Variants in KRR1 observed in about 807,000 individuals in gnomAD.
The protein encoded by KRR1 is KRR1 small subunit processome component, also known as KRR1 small subunit processome component homolog.
In KRR1, 23 loss-of-function variants were observed where a neutral mutation model predicts 50.0. That is an observed-to-expected ratio of 0.46 (90% confidence interval 0.33 to 0.65). The LOEUF (loss-of-function observed/expected upper bound fraction) is 0.65. Among genes scored for constraint, KRR1 ranks in the 30% least tolerant of loss-of-function variants. The pLI is 0.02. For synonymous variants in KRR1, 133 were observed against 146.3 expected (o/e 0.91, Z 0.66); for missense variants, 419 against 442.4 (o/e 0.95, Z 0.47).
Position 75,498,662 on chromosome 12 carries a change from A to G in KRR1, c.*1147T>C, listed in dbSNP as rs2046367093. On this transcript the variant is annotated 3_prime_UTR_variant, in exon 10 of 10. Transcript: ENST00000229214. ...ACTCTCAACTGTGTCTACCCTTTTAATTTTTTTTCTTTCTTCCCCCTAACT... is the reference window on the plus strand; with the variant it reads ...ACTCTCAACTGTGTCTACCCTTTTAGTTTTTTTTCTTTCTTCCCCCTAACT... 1 of 1,585,710 alleles carries G rather than the reference A, an allele frequency of 6.3e-7. No individual in the cohort carries two copies. The highest frequency in any genetic ancestry group is 8.7e-7 in the Non-Finnish European group (1 of 1,154,718).
At position 75,495,486 on chromosome 12, in the gene KRR1, T is replaced by C; in HGVS notation, c.*4323A>G. 1.4e-6 allele frequency: 1 copy of C among 700,132 alleles called. No individual in the cohort carries two copies. The highest frequency in any genetic ancestry group is 1.6e-5 in the South Asian group (1 of 62,178). 43.4% of individuals were successfully genotyped at this position (700,132 alleles called of 1,614,324 possible). A position where few individuals can be genotyped will look rare whatever the true frequency, so the allele number is the denominator to read the frequency against. ...TCTGGACCTTTGTACTTCACTCCAC[T>C]ATTCTTCTGGATTTAGTTAAGGATT... On this transcript the variant is annotated 3_prime_UTR_variant, in exon 10 of 10. Coordinates refer to ENST00000229214, the MANE Select transcript of KRR1 (RefSeq NM_007043.7).
chr12:75,499,814 TTTTTTTCTTCTTTTTC>T lies in KRR1; in HGVS notation c.1125_1140del (p.Lys376SerfsTer8). Reference sequence around the variant, plus strand: ...GTCAAGGAGTTTTGGGTATGTTACTTTTTTTTCTTCTTTTTCTTTTCATCTGCCTCCATCTTAAGTG... The same window carrying T: ...GTCAAGGAGTTTTGGGTATGTTACTTTTTTCATCTGCCTCCATCTTAAGTG... On this transcript the variant is annotated frameshift_variant, in exon 10 of 10. Coordinates refer to ENST00000229214, the MANE Select transcript of KRR1 (RefSeq NM_007043.7). LOFTEE classifies it high-confidence loss of function. 6.3e-7 allele frequency: 1 copy of T among 1,598,950 alleles called. No homozygotes were observed. Among genetic ancestry groups the T allele is most frequent in the South Asian group, 1.1e-5 (1 of 87,950 alleles).
chr12:75,508,416 C>A lies in KRR1; in HGVS notation c.116G>T (p.Gly39Val), dbSNP rs998489326. ...TTTGGAAAAAGCTGGTTCCTTCCAA[C>A]CATCAGGAACCGTAAGGAGTTCTGA... ...DESELLTVPD[G>V]WKEPAFSKED... Residue 39 changes from glycine to valine, a missense_variant, in exon 2 of 10, where the codon GGT becomes GTT. Physicochemically the swap from Gly to Val is moderately radical, Grantham distance 109. Transcript: ENST00000229214. 24 of 1,609,386 alleles carry A rather than the reference C, an allele frequency of 1.5e-5. No homozygotes were observed. The highest frequency in any genetic ancestry group is 5.1e-5 in the Admixed American group (3 of 58,736).
chr12:75,507,697 T>C lies in KRR1; in HGVS notation c.258+577A>G, dbSNP rs940635716. Among the ~76,000 whole-genome samples the C allele has an allele frequency of 3.1e-4, 47 of 151,682 alleles. 1 individual carries two copies. In the South Asian group the frequency reaches 3.7e-3, roughly 12 times the overall value. On this transcript the variant is annotated intron_variant, in intron 2 of 9. Transcript: ENST00000229214. ...ATTTTATATCACAACCTAATACATATACACACACACACAAACAAAGCCAAT... is the reference window on the plus strand; with the variant it reads ...ATTTTATATCACAACCTAATACATACACACACACACACAAACAAAGCCAAT...
chr12:75,499,777 G>T lies in KRR1; in HGVS notation c.*32C>A. The T allele has an allele frequency of 2.6e-6, 4 of 1,528,788 alleles. No individual in the cohort carries two copies. Among genetic ancestry groups the T allele is most frequent in the Non-Finnish European group, 3.5e-6 (4 of 1,134,612 alleles). 94.7% of individuals were successfully genotyped at this position (1,528,788 alleles called of 1,614,324 possible). On this transcript the variant is annotated 3_prime_UTR_variant, in exon 10 of 10. Coordinates refer to ENST00000229214, the MANE Select transcript of KRR1 (RefSeq NM_007043.7). Reference sequence around the variant, plus strand: ...GATATCTCAAAATCCTTTACAAAAGGAGATAGTTCTAGTCAAGGAGTTTTG... The same window carrying T: ...GATATCTCAAAATCCTTTACAAAAGTAGATAGTTCTAGTCAAGGAGTTTTG...
Position 75,508,361 on chromosome 12 carries a change from C to T in KRR1, c.171G>A (p.Glu57=), listed in dbSNP as rs574644697. ...KEDNPRGLLE[E]SSFATLFPKY... is the part of the protein sequence containing the mutation. ...TTGGGAACAAAGTTGCGAAACTGCT[C>T]TCCTCCAAAAGTCCTCTGGGATTGT... is the stretch of plus-strand genomic sequence containing the variant. The change falls in exon 2 of 10, where the codon GAG becomes GAA. Residue 57 remains glutamate (E), a synonymous_variant. Coordinates refer to ENST00000229214, the MANE Select transcript of KRR1 (RefSeq NM_007043.7). 5 of 1,613,602 alleles carry T rather than the reference C, an allele frequency of 3.1e-6. No homozygotes were observed. In the African/African-American group the frequency reaches 4.0e-5, roughly 13 times the overall value.
In KRR1 at chr12:75,511,572, G is replaced by A. The variant is rs758092492; in HGVS notation, c.26C>T (p.Pro9Leu). 6 of 1,613,982 alleles carry A rather than the reference G, an allele frequency of 3.7e-6. No individual in the cohort carries two copies. Among genetic ancestry groups the A allele is most frequent in the Non-Finnish European group, 5.1e-6 (6 of 1,179,924 alleles). The change falls in exon 1 of 10, where the codon CCA becomes CTA. Residue 9 changes from proline to leucine, a missense_variant. Coordinates refer to ENST00000229214, the MANE Select transcript of KRR1 (RefSeq NM_007043.7). MASPSLER[P>L]EKGAGKSEFR... Reference sequence around the variant, plus strand: ...TTCACTTTTTCCAGCGCCTTTTTCTGGCCGCTCCAGCGAGGGAGACGCCAT... The same window carrying A: ...TTCACTTTTTCCAGCGCCTTTTTCTAGCCGCTCCAGCGAGGGAGACGCCAT...
rs573084373 is a variant in KRR1 at position 75,499,380 on chromosome 12, TC to T, written c.*428del. 7.1e-4 allele frequency: 114 copies of T among 161,140 alleles called. No homozygotes were observed. The highest frequency in any genetic ancestry group is 2.6e-3 in the African/African-American group (107 of 41,860). The allele number at this position is 161,140 out of a possible 1,614,324, so 10.0% of individuals were successfully genotyped here. The stretch of plus-strand genomic sequence containing the variant: ...TTCCCTGTCTTTTTGGTTTACTACT[TC>T]CCCAGATTCAGAACAGAGGAGTAAC... On this transcript the variant is annotated 3_prime_UTR_variant, in exon 10 of 10. Coordinates refer to ENST00000229214, the MANE Select transcript of KRR1 (RefSeq NM_007043.7).
chr12:75,500,003 A>AAACAAAGAATATATGTTT (rs769087617), intron 9 of KRR1, 52 bp from the exon 10 acceptor site: 2 of 1,399,702 alleles, frequency 1.4e-6, no homozygotes, highest in East Asian at 2.5e-5. Context: ...TTACCAAGTA[A>AAACAAAGAATATATGTTT]AACAAAGAAT....
rs3736391 is a variant in KRR1 at position 75,498,700 on chromosome 12, G to A, written c.*1109C>T. 16 of 1,611,552 alleles carry A rather than the reference G, an allele frequency of 9.9e-6. No homozygotes were observed. The East Asian group carries it at 2.9e-4, about 29-fold the overall frequency. ...CTTCCCCCTAACTTTACAGTTAACCGACAGCGAGACCAAGTCAAACGTACG... is the reference window on the plus strand; with the variant it reads ...CTTCCCCCTAACTTTACAGTTAACCAACAGCGAGACCAAGTCAAACGTACG... On this transcript the variant is annotated 3_prime_UTR_variant, in exon 10 of 10. Transcript: ENST00000229214.
In KRR1 at chr12:75,499,609, T is replaced by TTCTAGTATAA. The variant is rs2046376300; in HGVS notation, c.*199_*200insTTATACTAGA. The TTCTAGTATAA allele has an allele frequency of 1.8e-5, 6 of 329,086 alleles. No individual in the cohort carries two copies. The highest frequency in any genetic ancestry group is 1.3e-4 in the African/African-American group (6 of 45,614). The allele number at this position is 329,086 out of a possible 1,614,324, so 20.4% of individuals were successfully genotyped here. ...AATGGTCGTAATGTATACAAAGACT[T>TTCTAGTATAA]ATATACCACTTTCTCGTATAAATTT... On this transcript the variant is annotated 3_prime_UTR_variant, in exon 10 of 10. Coordinates refer to ENST00000229214, the MANE Select transcript of KRR1 (RefSeq NM_007043.7).
chr12:75,500,814 C>T (rs1283708563), intron 9 of KRR1: 1 of 151,956 alleles, frequency 6.6e-6, no homozygotes, highest in East Asian at 1.9e-4. Context: ...AAGCCTCCAC[C>T]GTGTGGAGAA....
chr12:75,510,837 C>G (rs922530059), intron 1 of KRR1, among the ~76,000 whole-genome samples: 1 of 152,198 alleles, frequency 6.6e-6, no homozygotes, highest in Non-Finnish European at 1.5e-5. Context: ...CCCAATGCAT[C>G]TAAATTGAGA....
chr12:75,502,293 A>AATT (rs974233434), intron 7 of KRR1: 28 of 255,792 alleles, frequency 1.1e-4, no homozygotes, highest in African/African-American at 5.8e-4. Flanking sequence ...TTTTGGGGAA[A>AATT]ATTTGAAGAA....
chr12:75,507,583 C>G (rs1294820516), intron 2 of KRR1, among the ~76,000 whole-genome samples: 1 of 152,156 alleles, frequency 6.6e-6, no homozygotes, highest in East Asian at 1.9e-4. Context: ...ATCCCAGATG[C>G]AGCTACAAAA....
Position 75,491,792 on chromosome 12 carries a change from T to C in KRR1, c.*8017A>G, listed in dbSNP as rs1474532185. 6.6e-6 allele frequency: 1 copy of C among 152,176 alleles called. No homozygotes were observed. Among genetic ancestry groups the C allele is most frequent in the Non-Finnish European group, 1.5e-5 (1 of 68,034 alleles). The allele number at this position is 152,176 out of a possible 1,614,324, so 9.4% of individuals were successfully genotyped here. ...TTTTTCTACTAGATTTTCTTATTTA[T>C]AAAAGTTTTTATATTTTAAAGGTTT... On this transcript the variant is annotated 3_prime_UTR_variant, in exon 10 of 10. Coordinates refer to ENST00000229214, the MANE Select transcript of KRR1 (RefSeq NM_007043.7).
chr12:75,492,916 A>G lies in KRR1; in HGVS notation c.*6893T>C, dbSNP rs2120542607. On this transcript the variant is annotated 3_prime_UTR_variant, in exon 10 of 10. Transcript: ENST00000229214. ...TCAATAGGCAAGGCCCCTGTTTAGAATAATCAGGGAAGGGCTTCTTGTGTT... is the reference window on the plus strand; with the variant it reads ...TCAATAGGCAAGGCCCCTGTTTAGAGTAATCAGGGAAGGGCTTCTTGTGTT... The G allele has an allele frequency of 6.6e-6, 1 of 152,346 alleles. No individual in the cohort carries two copies. Among genetic ancestry groups the G allele is most frequent in the South Asian group, 2.1e-4 (1 of 4,830 alleles). 9.4% of individuals were successfully genotyped at this position (152,346 alleles called of 1,614,324 possible).
intron 6 of KRR1, among the ~76,000 whole-genome samples, chr12:75,504,578 T>A (rs1387147654): frequency 6.6e-6 from 1 of 152,064 alleles, no homozygotes; most frequent in Non-Finnish European, 1.5e-5. Context: ...GTCTGCAATA[T>A]CCCAATATCC....
chr12:75,511,458 AACATCGCAACTCAACGT>A, intron 1 of KRR1, 38 bp downstream of exon 1: 2 of 1,487,026 alleles, frequency 1.3e-6, no homozygotes, highest in Non-Finnish European at 1.9e-6. Flanking sequence ...GAAAGAAAAA[AACATCGCAACTCAACGT>A]ACACAAACCC....
Sources: allele counts gnomAD v4.1 joint callset (sites outside exome capture counted in the v4.1 genomes callset), GRCh38; gene constraint gnomAD v4.1.1; transcripts MANE v1.5; gene names NCBI Gene and HGNC (gene_info 2026-07-23, HGNC 2026-07-21).